MYO3B: variants seen among roughly 807,000 people sequenced by gnomAD.
The protein encoded by MYO3B is myosin IIIB, also known as myosin-IIIb.
A neutral mutation model predicts 174.6 loss-of-function variants in MYO3B; 156 were observed. The observed-to-expected ratio is 0.89, with a 90% CI of 0.78 to 1.02. MYO3B has a LOEUF of 1.02. MYO3B is among the 50% of genes least tolerant of loss of function. The pLI is 0.00. For missense variants in MYO3B, 1,632 were observed against 1,639.4 expected, an observed-to-expected ratio of 1.00 and a Z score of 0.08; for synonymous variants, 563 against 569.1, an observed-to-expected ratio of 0.99 and a Z score of 0.15.
At chr2:170,602,163 AGTTT>A in intron 32 of MYO3B, 1 of 1,237,476 alleles carries the variant, frequency 8.1e-7, no homozygotes. Flanking sequence ...CCTCCCGACA[AGTTT>A]GCACAAAAAA....
rs141570535 is a variant in MYO3B at position 170,542,939 on chromosome 2, C to T, written c.3609C>T (p.Cys1203=). 3.4e-4 allele frequency: 548 copies of T among 1,609,208 alleles called. No individual in the cohort carries two copies. In the African/African-American group the frequency reaches 4.0e-3, roughly 12 times the overall value. Residue 1203 remains cysteine (C), a synonymous_variant, in exon 31 of 35, where the codon TGC becomes TGT. Coordinates refer to ENST00000408978, the MANE Select transcript of MYO3B (RefSeq NM_138995.5). Reference sequence around the variant, plus strand: ...AAGCCCAGAGTTCTCCAAAAGGGTGCGATATCTTCGCAGGACATGCAAACA... The same window carrying T: ...AAGCCCAGAGTTCTCCAAAAGGGTGTGATATCTTCGCAGGACATGCAAACA... ...HSQAQSSPKG[C]DIFAGHANKH...
At chr2:170,550,665 T>C (rs919927969) in intron 32 of MYO3B, among the ~76,000 whole-genome samples, 4 of 152,208 alleles carry the variant, frequency 2.6e-5, no homozygotes, top group Admixed American at 1.3e-4. Context: ...AAGAGACTAA[T>C]ACGATTATAA....
At chr2:170,609,893 G>T (rs566856382) in intron 32 of MYO3B, among the ~76,000 whole-genome samples, 1 of 152,320 alleles carries the variant, frequency 6.6e-6, no homozygotes, top group Non-Finnish European at 1.5e-5. Context: ...GGGGGGCCAG[G>T]CCCTGGCCAT....
At chr2:170,409,460 A>G (rs368386785) in intron 22 of MYO3B, among the ~76,000 whole-genome samples, 2 of 152,238 alleles carry the variant, frequency 1.3e-5, no homozygotes, top group Admixed American at 1.3e-4. Context: ...GTGATGTACC[A>G]ATAGGCTTCC....
chr2:170,383,677 G>A, intron 11 of MYO3B, 33 bp from the exon 12 acceptor site: 1 of 1,529,520 alleles, frequency 6.5e-7, no homozygotes, highest in Non-Finnish European at 9.1e-7. Context: ...AGATGGTCCA[G>A]GGGAGAGTTT....
intron 32 of MYO3B, among the ~76,000 whole-genome samples, chr2:170,605,733 G>C (rs6738608): frequency 3.3e-5 from 5 of 151,952 alleles, no homozygotes; most frequent in African/African-American, 1.2e-4. Context: ...GGTGGCGGGC[G>C]CCTGTAATCC....
chr2:170,179,629 T>C (rs60077652), intron 1 of MYO3B, among the ~76,000 whole-genome samples: 64,634 of 152,012 alleles, frequency 0.43, 15,103 homozygotes, highest in East Asian at 0.57. Flanking sequence ...CCTTCCACCA[T>C]GTTATGATGC....
chr2:170,452,189 C>T (rs1324733848), intron 23 of MYO3B, among the ~76,000 whole-genome samples: 1 of 151,610 alleles, frequency 6.6e-6, no homozygotes, highest in Non-Finnish European at 1.5e-5. Flanking sequence ...TCTGATACCC[C>T]CAAAAGTAAA....
intron 32 of MYO3B, among the ~76,000 whole-genome samples, chr2:170,572,896 G>C (rs2106282554): frequency 6.6e-6 from 1 of 152,184 alleles, no homozygotes; most frequent in Middle Eastern, 3.4e-3. Flanking sequence ...ATTAATGACT[G>C]TTTTTTCCCT....
rs144682802 is a variant in MYO3B, at chr2:170,303,807, A to G, written c.750-31578A>G. 2.9e-3 allele frequency among the ~76,000 whole-genome samples: 434 copies of G among 152,246 alleles called. 5 individuals are homozygous for G. The highest frequency in any genetic ancestry group is 0.01 in the African/African-American group (422 of 41,570). On this transcript the variant is annotated intron_variant, in intron 7 of 34. Transcript: ENST00000408978. ...TTATGCATACATGTTTTTCTTACAC[A>G]TGTACTAATATATATTAATATGCAA... is the stretch of plus-strand genomic sequence containing the variant.
chr2:170,548,640 C>G (rs142511652), intron 32 of MYO3B, among the ~76,000 whole-genome samples: 1 of 152,296 alleles, frequency 6.6e-6, no homozygotes, highest in East Asian at 1.9e-4. Flanking sequence ...AGTACATTTT[C>G]TCTACAGCTG....
intron 8 of MYO3B, among the ~76,000 whole-genome samples, chr2:170,360,408 A>G (rs1027635467): frequency 5.9e-5 from 9 of 152,208 alleles, no homozygotes; most frequent in Non-Finnish European, 1.3e-4. Flanking sequence ...TGAAAATGCC[A>G]AAGCTCTTTG....
At chr2:170,525,848 T>A (rs1688966081) in intron 30 of MYO3B, among the ~76,000 whole-genome samples, 1 of 152,214 alleles carries the variant, frequency 6.6e-6, no homozygotes, top group Non-Finnish European at 1.5e-5. Context: ...GTCACATATC[T>A]TGACGAACAT....
intron 1 of MYO3B, among the ~76,000 whole-genome samples, chr2:170,181,493 C>G (rs1470567299): frequency 2.0e-5 from 3 of 151,180 alleles, no homozygotes; most frequent in Non-Finnish European, 4.4e-5. Context: ...TGAGAGCAGA[C>G]ATCCTTGGCT....
chr2:170,611,292 G>T (rs1473877958), intron 32 of MYO3B, among the ~76,000 whole-genome samples: 1 of 152,136 alleles, frequency 6.6e-6, no homozygotes, highest in Non-Finnish European at 1.5e-5. Context: ...TTTAACCCAT[G>T]ATTGGGGTAA....
At chr2:170,394,857 G>A (rs1052255042) in intron 16 of MYO3B, among the ~76,000 whole-genome samples, 5 of 152,202 alleles carry the variant, frequency 3.3e-5, no homozygotes, top group Non-Finnish European at 7.3e-5. Context: ...GAAAGATCCA[G>A]TTGAAGGTAG....
At chr2:170,633,458 A>C (rs1697196662) in intron 32 of MYO3B, among the ~76,000 whole-genome samples, 1 of 152,220 alleles carries the variant, frequency 6.6e-6, no homozygotes, top group Non-Finnish European at 1.5e-5. Context: ...CTAGGTATTC[A>C]AGGAACATAT....
intron 32 of MYO3B, among the ~76,000 whole-genome samples, chr2:170,648,562 A>G (rs1344881474): frequency 6.7e-6 from 1 of 149,648 alleles, no homozygotes; most frequent in African/African-American, 2.5e-5. Context: ...GGCGGAGGCT[A>G]CAGTGAGCTG....
intron 25 of MYO3B, among the ~76,000 whole-genome samples, chr2:170,467,529 CAA>C (rs35442923): frequency 1.3e-5 from 2 of 148,758 alleles, no homozygotes; most frequent in South Asian, 2.1e-4. Flanking sequence ...AAAACAGTAA[CAA>C]AAAAAAAACA....
Sources: gnomAD v4.1 joint callset for allele counts (sites outside exome capture counted in the v4.1 genomes callset) on GRCh38, gnomAD v4.1.1 for gene constraint, MANE v1.5 for transcripts, NCBI Gene and HGNC (gene_info 2026-07-23, HGNC 2026-07-21) for gene names.